The following IPO5 variants were observed in gnomAD, a reference collection of about 807,000 sequenced individuals.
The protein encoded by IPO5 is importin 5, also known as importin-5.
IPO5 carries 18 observed loss-of-function variants against 143.3 expected under a neutral mutation model. That is an observed-to-expected ratio of 0.13 (90% CI 0.09 to 0.19). The LOEUF (loss-of-function observed/expected upper bound fraction) is 0.19, where lower values mean the gene tolerates loss of function less well. Among genes scored for constraint, IPO5 ranks in the 10% least tolerant of loss-of-function variants. The pLI, the probability that IPO5 is intolerant of heterozygous loss-of-function variation, is 1.00. For synonymous variants in IPO5, 477 were observed against 465.7 expected (o/e 1.02, Z -0.31); for missense variants, 1,013 against 1,336.9 (o/e 0.76, Z 3.78).
At chr13:97,967,124 TTTTGA>T (rs899775097) in intron 2 of IPO5, among the ~76,000 whole-genome samples, 1 of 152,238 alleles carries the variant, frequency 6.6e-6, no homozygotes, top group Non-Finnish European at 1.5e-5. Context: ...CGTGAATCAC[TTTTGA>T]TTTGCGTTTT....
At chr13:97,972,491 G>C (rs1236055206) in intron 3 of IPO5, among the ~76,000 whole-genome samples, 1 of 152,188 alleles carries the variant, frequency 6.6e-6, no homozygotes, top group African/African-American at 2.4e-5. Context: ...AAACTACCTA[G>C]ATTTCAAGTA....
At position 97,993,173 on chromosome 13, in the gene IPO5, T is replaced by C. The variant is rs1222902711; in HGVS notation, c.861T>C (p.Ser287=). The change falls in exon 11 of 29, where the codon TCT becomes TCC. Residue 287 remains serine (S), a synonymous_variant. Coordinates refer to ENST00000651721, the MANE Select transcript of IPO5 (RefSeq NM_002271.6). ...CCCTTGAAGTGATCGTCACCCTCTC[T>C]GAGACTGCAGCTGCTATGTTAAGAA... ...QLALEVIVTL[S]ETAAAMLRKH... is the part of the protein sequence containing the mutation. The C allele has an allele frequency of 1.2e-6, 2 of 1,613,746 alleles. No individual in the cohort carries two copies. Among genetic ancestry groups the C allele is most frequent in the South Asian group, 1.1e-5 (1 of 91,084 alleles).
intron 3 of IPO5, 65 bp downstream of exon 3, chr13:97,969,895 C>CTTTTAAAAAAA (rs2139552790): frequency 7.9e-7 from 1 of 1,267,102 alleles, no homozygotes; most frequent in South Asian, 1.2e-5. Context: ...GACAAGGTCT[C>CTTTTAAAAAAA]GCCATGTTGC....
chr13:97,958,404 G>A (rs770863228), intron 2 of IPO5, among the ~76,000 whole-genome samples: 19 of 151,984 alleles, frequency 1.3e-4, no homozygotes, highest in Non-Finnish European at 2.5e-4. Context: ...CACAAAACCT[G>A]GGCATTCTTG....
At chr13:97,998,724 G>A (rs1284965525) in intron 12 of IPO5, among the ~76,000 whole-genome samples, 1 of 152,180 alleles carries the variant, frequency 6.6e-6, no homozygotes, top group Non-Finnish European at 1.5e-5. Flanking sequence ...TTATATTACA[G>A]TTGCAGAAAG....
intron 9 of IPO5, among the ~76,000 whole-genome samples, chr13:97,991,946 G>A (rs1018602513): frequency 1.3e-5 from 2 of 152,142 alleles, no homozygotes; most frequent in African/African-American, 4.8e-5. Context: ...ATCCTCAATC[G>A]TGTGACCATC....
chr13:97,985,505 C>G lies in IPO5; in HGVS notation c.256C>G (p.Gln86Glu). The part of the protein sequence containing the change: ...EVYPALPSDV[Q>E]TAIKSELLMI... ...CTATCCAGCACTTCCCTCTGATGTT[C>G]AGACTGCCATCAAGAGTGAGCTACT... Residue 86 changes from glutamine to glutamate, a missense_variant, in exon 6 of 29, where the codon CAG (glutamine) becomes GAG (glutamate). Gln to Glu is a conservative substitution (Grantham distance 29). Transcript: ENST00000651721. The G allele has an allele frequency of 6.2e-7, 1 of 1,613,690 alleles. No individual in the cohort carries two copies. Among genetic ancestry groups the G allele is most frequent in the Non-Finnish European group, 8.5e-7 (1 of 1,179,640 alleles).
chr13:98,017,932 G>T (rs532345631), intron 25 of IPO5, among the ~76,000 whole-genome samples: 4 of 152,160 alleles, frequency 2.6e-5, no homozygotes, highest in Non-Finnish European at 5.9e-5. Flanking sequence ...CTCCTAAAGT[G>T]CTGGGATTAC....
intron 4 of IPO5, among the ~76,000 whole-genome samples, chr13:97,979,441 TCTTTAA>T (rs1639242680): frequency 1.3e-5 from 2 of 152,218 alleles, no homozygotes; most frequent in African/African-American, 4.8e-5. Context: ...AGGATATTTC[TCTTTAA>T]CTTTATAGAA....
chr13:97,959,128 C>T (rs750802667), intron 2 of IPO5, among the ~76,000 whole-genome samples: 1 of 151,408 alleles, frequency 6.6e-6, no homozygotes, highest in African/African-American at 2.4e-5. Flanking sequence ...ACTAAGATCA[C>T]GCCACTGCAC....
chr13:98,007,955 T>C (rs988413450), intron 17 of IPO5, 104 bp from the exon 18 acceptor site: 3 of 640,256 alleles, frequency 4.7e-6, no homozygotes, highest in African/African-American at 1.8e-5. Flanking sequence ...ATGAAAGTTA[T>C]GACCTATGTG....
At position 98,016,031 on chromosome 13, in the gene IPO5, A is replaced by G. The variant is rs537451780; in HGVS notation, c.2493+250A>G. Among the ~76,000 whole-genome samples the G allele has an allele frequency of 1.7e-3, 265 of 152,296 alleles. 1 individual carries two copies. The highest frequency in any genetic ancestry group is 4.1e-3 in the Admixed American group (63 of 15,302). On this transcript the variant is annotated intron_variant, in intron 24 of 28. Coordinates refer to ENST00000651721, the MANE Select transcript of IPO5 (RefSeq NM_002271.6). ...AAACACCTTGAGGTTTACCTAGTTC[A>G]TTTACATACTGCTCACAACAACCAT...
chr13:97,985,638 T>TA (rs777517505), intron 6 of IPO5, 25 bp downstream of exon 6: 1 of 1,550,252 alleles, frequency 6.5e-7, no homozygotes, highest in Admixed American at 1.7e-5. Context: ...GCACTCATGT[T>TA]ACCAAGAACA....
In IPO5 at chr13:98,022,782, T is replaced by C. The variant is rs902627590; in HGVS notation, c.*960T>C. ...GCTCAAAAAGATTTGGCTTAGTGTT[T>C]TCATTGCAAATTATAATTGCTGTAG... On this transcript the variant is annotated 3_prime_UTR_variant, in exon 29 of 29. Coordinates refer to ENST00000651721, the MANE Select transcript of IPO5 (RefSeq NM_002271.6). The C allele has an allele frequency of 6.6e-6, 1 of 152,428 alleles. No homozygotes were observed. Among genetic ancestry groups the C allele is most frequent in the African/African-American group, 2.4e-5 (1 of 41,452 alleles). 9.4% of individuals were successfully genotyped at this position (152,428 alleles called of 1,614,324 possible).
rs1889002868 is a variant in IPO5 at position 98,003,942 on chromosome 13, T to G, written c.1497+905T>G. On this transcript the variant is annotated intron_variant, in intron 16 of 28. Transcript: ENST00000651721. ...GAAGTTGTAGAAGCAACATCATTTT[T>G]GAGTATCCAAGTAAAAATGATTATA... Among the ~76,000 whole-genome samples, 3 of 152,328 alleles carry G rather than the reference T, an allele frequency of 2.0e-5. No homozygotes were observed. The South Asian group carries it at 6.2e-4, about 32-fold the overall frequency.
intron 26 of IPO5, among the ~76,000 whole-genome samples, chr13:98,019,098 G>A (rs573038371): frequency 2.0e-5 from 3 of 151,884 alleles, no homozygotes; most frequent in Admixed American, 6.6e-5. Context: ...GACTACAGGC[G>A]CATGCCACCA....
At chr13:98,015,696 A>G in intron 23 of IPO5, 30 bp from the exon 24 acceptor site, 1 of 1,598,354 alleles carries the variant, frequency 6.3e-7, no homozygotes, top group Non-Finnish European at 8.6e-7. Context: ...CTTGGCAATC[A>G]TTTAAAACAT....
intron 25 of IPO5, 33 bp downstream of exon 25, chr13:98,016,884 G>C: frequency 6.9e-7 from 1 of 1,444,652 alleles, no homozygotes; most frequent in Non-Finnish European, 9.1e-7. Flanking sequence ...GTTGTTTTGC[G>C]TAGTTTACCT....
rs564151964 is a variant in IPO5 at position 98,006,684 on chromosome 13, A to G, written c.1716+336A>G. On this transcript the variant is annotated intron_variant, in intron 17 of 28. Coordinates refer to ENST00000651721, the MANE Select transcript of IPO5 (RefSeq NM_002271.6). The stretch of plus-strand genomic sequence containing the variant: ...CCACTGTGCCCGGCCTGTAATTTCT[A>G]TTATGTTAAATTTACTGTACCTAAC... Among the ~76,000 whole-genome samples, 14 of 151,712 alleles carry G rather than the reference A, an allele frequency of 9.2e-5. No individual in the cohort carries two copies. In the South Asian group the frequency reaches 1.9e-3, roughly 20 times the overall value.
Sources: gnomAD v4.1 joint callset for allele counts (sites outside exome capture counted in the v4.1 genomes callset) on GRCh38, gnomAD v4.1.1 for gene constraint, MANE v1.5 for transcripts, NCBI Gene and HGNC (gene_info 2026-07-23, HGNC 2026-07-21) for gene names.